TEX9: variants seen among roughly 807,000 people sequenced by gnomAD.
The protein encoded by TEX9 is testis expressed 9.
A neutral mutation model predicts 59.6 loss-of-function variants in TEX9; 74 were observed. That is an observed-to-expected ratio of 1.24 (90% confidence interval 1.03 to 1.51). The LOEUF is 1.51. Among genes scored for constraint, TEX9 ranks in the 40% most tolerant of loss-of-function variants. The pLI, the probability that TEX9 is intolerant of heterozygous loss-of-function variation, is 0.00. For missense variants in TEX9, 522 were observed against 447.8 expected (o/e 1.17, Z -1.49); for synonymous variants, 186 against 152.2 (o/e 1.22, Z -1.64).
intron 1 of TEX9, among the ~76,000 whole-genome samples, chr15:56,288,494 A>G (rs569114242): frequency 2.3e-4 from 35 of 152,220 alleles, no homozygotes; most frequent in African/African-American, 8.4e-4. Flanking sequence ...TTACTGAAGG[A>G]TACGTCTACC....
intron 1 of TEX9, among the ~76,000 whole-genome samples, chr15:56,318,289 C>T (rs758496905): frequency 4.6e-5 from 7 of 152,036 alleles, no homozygotes; most frequent in Non-Finnish European, 8.8e-5. Flanking sequence ...TTTGCTTTGA[C>T]GTCTATTTCA....
chr15:56,415,668 C>T (rs947447300), intron 10 of TEX9, among the ~76,000 whole-genome samples: 1 of 151,804 alleles, frequency 6.6e-6, no homozygotes, highest in Non-Finnish European at 1.5e-5. Flanking sequence ...TTTGAAGTCA[C>T]ACAGTGTGCC....
chr15:56,306,711 A>G (rs898024206), intron 1 of TEX9, among the ~76,000 whole-genome samples: 11 of 152,234 alleles, frequency 7.2e-5, no homozygotes, highest in African/African-American at 2.4e-4. Flanking sequence ...TACAGTCAAC[A>G]ATAATTTATT....
chr15:56,329,375 A>G (rs1240663952), intron 1 of TEX9, among the ~76,000 whole-genome samples: 2 of 152,208 alleles, frequency 1.3e-5, no homozygotes, highest in East Asian at 1.9e-4. Flanking sequence ...ATGCCCAGAC[A>G]CTGATGAACA....
In TEX9 at chr15:56,309,693, G is replaced by GTTTTTTTTTTT. The variant is rs60648387; in HGVS notation, c.-106-63727_-106-63717dup. 4.1e-3 allele frequency among the ~76,000 whole-genome samples: 248 copies of GTTTTTTTTTTT among 60,772 alleles called. 25 individuals are homozygous for GTTTTTTTTTTT. The highest frequency in any genetic ancestry group is 0.012 in the African/African-American group (159 of 13,684). The allele number at this position is 60,772 out of a possible 152,430, so 39.9% of individuals were successfully genotyped here. The stretch of plus-strand genomic sequence containing the variant: ...TCTGGGCCTGGGATTTTTATGGGAA[G>GTTTTTTTTTTT]TTTTTTTTTTTTTTTTTTTTTTTTT... On this transcript the variant is annotated intron_variant, in intron 1 of 5. Coordinates refer to the TEX9 transcript ENST00000560827.
intron 1 of TEX9, among the ~76,000 whole-genome samples, chr15:56,249,500 G>A (rs2043957570): frequency 6.6e-6 from 1 of 151,680 alleles, no homozygotes. Flanking sequence ...GGAAGGAAGG[G>A]GCGCTGAGAC....
intron 1 of TEX9, among the ~76,000 whole-genome samples, chr15:56,321,275 G>A (rs2045895574): frequency 6.6e-6 from 1 of 152,094 alleles, no homozygotes; most frequent in East Asian, 1.9e-4. Flanking sequence ...CTTAGATGTG[G>A]CAAACCAAAG....
At chr15:56,322,957 A>G (rs1356122993) in intron 1 of TEX9, among the ~76,000 whole-genome samples, 3 of 152,120 alleles carry the variant, frequency 2.0e-5, no homozygotes, top group African/African-American at 7.2e-5. Context: ...GAGAAGAAGG[A>G]GGAGGAAAAG....
intron 1 of TEX9, among the ~76,000 whole-genome samples, chr15:56,253,308 A>G (rs1386602213): frequency 2.0e-5 from 3 of 152,160 alleles, no homozygotes; most frequent in Non-Finnish European, 2.9e-5. Context: ...CCCAAAAATC[A>G]TAAAACAAGG....
At chr15:56,261,334 TGTA>T in intron 1 of TEX9, among the ~76,000 whole-genome samples, 1 of 152,200 alleles carries the variant, frequency 6.6e-6, no homozygotes, top group Non-Finnish European at 1.5e-5. Flanking sequence ...GATATAGGCA[TGTA>T]AAGTCAACTT....
At chr15:56,412,538 G>T in intron 10 of TEX9, 102 bp downstream of exon 10, 1 of 1,254,476 alleles carries the variant, frequency 8.0e-7, no homozygotes, top group South Asian at 1.6e-5. Context: ...TTGATGTCAT[G>T]CTGAACATTT....
intron 1 of TEX9, among the ~76,000 whole-genome samples, chr15:56,288,810 C>T (rs1453952525): frequency 2.2e-5 from 3 of 137,818 alleles, no homozygotes; most frequent in Admixed American, 1.5e-4. Flanking sequence ...TCTGTTAGTT[C>T]TTTAAATAAG....
intron 1 of TEX9, among the ~76,000 whole-genome samples, chr15:56,337,159 T>C (rs2046272642): frequency 6.6e-6 from 1 of 152,186 alleles, no homozygotes. Flanking sequence ...AATCCTGACA[T>C]TACACTTCAT....
At chr15:56,307,083 G>A (rs553301189) in intron 1 of TEX9, among the ~76,000 whole-genome samples, 3 of 152,066 alleles carry the variant, frequency 2.0e-5, no homozygotes, top group Non-Finnish European at 2.9e-5. Flanking sequence ...ACACTTTCCT[G>A]GGGGGAAAAT....
chr15:56,247,727 A>G lies in TEX9; in HGVS notation c.-107+3449A>G, dbSNP rs1347221552. On this transcript the variant is annotated intron_variant, in intron 1 of 5. Transcript: ENST00000560827. ...AAAGTCGGTTTCATTATTGGTACAT[A>G]CTGATTAAGTGCTGAAAGTATACAT... Among the ~76,000 whole-genome samples, 7 of 152,308 alleles carry G rather than the reference A, an allele frequency of 4.6e-5. No homozygotes were observed. In the South Asian group the frequency reaches 1.5e-3, roughly 32 times the overall value.
intron 10 of TEX9, 74 bp downstream of exon 10, chr15:56,412,510 ATACT>A: frequency 7.0e-7 from 1 of 1,431,382 alleles, no homozygotes; most frequent in African/African-American, 1.4e-5. Flanking sequence ...GTCAAAAATA[ATACT>A]TAAATTATAA....
intron 2 of TEX9, among the ~76,000 whole-genome samples, chr15:56,370,114 C>G (rs1303149093): frequency 6.6e-6 from 1 of 152,000 alleles, no homozygotes; most frequent in African/African-American, 2.4e-5. Context: ...TTGAAGTTGT[C>G]TTAGCCACCT....
At chr15:56,289,599 G>A (rs573584456) in intron 1 of TEX9, among the ~76,000 whole-genome samples, 3 of 152,300 alleles carry the variant, frequency 2.0e-5, no homozygotes, top group African/African-American at 4.8e-5. Flanking sequence ...ATTAATGGCT[G>A]CTAAGGTTCT....
intron 1 of TEX9, among the ~76,000 whole-genome samples, chr15:56,250,584 G>C (rs1342550189): frequency 6.6e-6 from 1 of 152,116 alleles, no homozygotes; most frequent in Non-Finnish European, 1.5e-5. Context: ...TACAAAGCGA[G>C]GTTCTACGAG....
Sources: allele counts gnomAD v4.1 joint callset (sites outside exome capture counted in the v4.1 genomes callset), GRCh38; gene constraint gnomAD v4.1.1; transcripts MANE v1.5; gene names NCBI Gene and HGNC (gene_info 2026-07-23, HGNC 2026-07-21).